Variants in CYP3A4 observed in about 807,000 individuals in gnomAD.
CYP3A4 encodes the protein cytochrome P450 family 3 subfamily A member 4.
Under a neutral mutation model 54.9 loss-of-function variants are expected in CYP3A4, and 41 were observed. The observed-to-expected ratio is 0.75, with a 90% CI of 0.58 to 0.97. The LOEUF is 0.97. Among genes scored for constraint, CYP3A4 ranks in the 50% least tolerant of loss-of-function variants. The probability of loss-of-function intolerance (pLI) is 0.00; values close to 1 mark genes in which losing one functional copy is unlikely to be tolerated. For synonymous variants in CYP3A4, 179 were observed against 205.2 expected, an observed-to-expected ratio of 0.87 and a Z score of 1.09; for missense variants, 510 against 597.3, an observed-to-expected ratio of 0.85 and a Z score of 1.52.
intron 4 of CYP3A4, 57 bp downstream of exon 4, chr7:99,772,533 A>G: frequency 6.2e-7 from 1 of 1,602,068 alleles, no homozygotes; most frequent in African/African-American, 1.3e-5. Flanking sequence ...ATATATAAGA[A>G]TTTCAAAATA....
At chr7:99,780,864 A>G (rs1815904445) in intron 1 of CYP3A4, among the ~76,000 whole-genome samples, 1 of 152,220 alleles carries the variant, frequency 6.6e-6, no homozygotes, top group Non-Finnish European at 1.5e-5. Context: ...GAAGAATCAC[A>G]ACTAAAGAAC....
At chr7:99,772,829 A>G in intron 3 of CYP3A4, 140 bp from the exon 4 acceptor site, 1 of 854,192 alleles carries the variant, frequency 1.2e-6, no homozygotes, top group Non-Finnish European at 1.8e-6. Flanking sequence ...GTTCTAGTTC[A>G]TTAGGTATGA....
intron 9 of CYP3A4, 105 bp from the exon 10 acceptor site, chr7:99,764,120 G>T: frequency 6.5e-7 from 1 of 1,531,952 alleles, no homozygotes; most frequent in Non-Finnish European, 8.9e-7. Flanking sequence ...TAAGGGAAAA[G>T]AATAGAAAAG....
At position 99,776,723 on chromosome 7, in the gene CYP3A4, A is replaced by T. The variant is rs182312419; in HGVS notation, c.218+1305T>A. On this transcript the variant is annotated intron_variant, in intron 3 of 12. Coordinates refer to ENST00000651514, the MANE Select transcript of CYP3A4 (RefSeq NM_017460.6). Reference sequence around the variant, plus strand: ...GGGGGGCTAGGGGAGAGATAGCATTAGGAGAAATACCTAATGTAGGTGACA... The same window carrying T: ...GGGGGGCTAGGGGAGAGATAGCATTTGGAGAAATACCTAATGTAGGTGACA... Among the ~76,000 whole-genome samples, 20 of 152,316 alleles carry T rather than the reference A, an allele frequency of 1.3e-4. No individual in the cohort carries two copies. The East Asian group carries it at 3.7e-3, about 28-fold the overall frequency.
At chr7:99,783,701 C>T (rs577296944) in intron 1 of CYP3A4, among the ~76,000 whole-genome samples, 21 of 151,178 alleles carry the variant, frequency 1.4e-4, no homozygotes, top group East Asian at 5.9e-4. Context: ...CTCCGCCTGC[C>T]GGGTTCAAGC....
At chr7:99,769,325 C>T (rs534951796) in intron 6 of CYP3A4, among the ~76,000 whole-genome samples, 2 of 152,236 alleles carry the variant, frequency 1.3e-5, no homozygotes, top group East Asian at 3.9e-4. Flanking sequence ...TAGTATTCTA[C>T]TGATATCCTC....
chr7:99,761,588 G>A (rs1815335198), intron 11 of CYP3A4, among the ~76,000 whole-genome samples: 1 of 152,114 alleles, frequency 6.6e-6, no homozygotes, highest in Non-Finnish European at 1.5e-5. Flanking sequence ...CTGTACCGAT[G>A]TAATGCAGTA....
intron 6 of CYP3A4, 115 bp downstream of exon 6, chr7:99,769,653 A>C: frequency 8.5e-7 from 1 of 1,182,244 alleles, no homozygotes. Flanking sequence ...GCATTACCAC[A>C]GCCCTCCTTT....
At position 99,770,249 on chromosome 7, in the gene CYP3A4, C is replaced by A. The variant is rs1438194493; in HGVS notation, c.319-14G>T. ...TGGACCAAAAGGCTAGAGTTCAAAG[C>A]AGAAACATTTTGTCCTACATCAGTT... On this transcript the variant is annotated splice_polypyrimidine_tract_variant and intron_variant, in intron 4 of 12. Coordinates refer to ENST00000651514, the MANE Select transcript of CYP3A4 (RefSeq NM_017460.6). 1 of 1,598,342 alleles carries A rather than the reference C, an allele frequency of 6.3e-7. No homozygotes were observed. The highest frequency in any genetic ancestry group is 1.1e-5 in the South Asian group (1 of 90,724).
intron 9 of CYP3A4, among the ~76,000 whole-genome samples, chr7:99,766,159 C>T (rs1040368680): frequency 6.6e-6 from 1 of 152,030 alleles, no homozygotes; most frequent in African/African-American, 2.4e-5. Flanking sequence ...TCTAGCATGC[C>T]AGGTTTGCTT....
At chr7:99,779,021 C>T (rs1172412445) in intron 2 of CYP3A4, among the ~76,000 whole-genome samples, 5 of 152,162 alleles carry the variant, frequency 3.3e-5, no homozygotes, top group East Asian at 1.9e-4. Flanking sequence ...CTGACTGCTG[C>T]GGCTGGCCAT....
chr7:99,782,203 T>A (rs1815942419), intron 1 of CYP3A4, among the ~76,000 whole-genome samples: 1 of 152,180 alleles, frequency 6.6e-6, no homozygotes, highest in African/African-American at 2.4e-5. Flanking sequence ...GGACAAACTA[T>A]TGAGTTAATG....
In CYP3A4 at chr7:99,780,082, A is replaced by G. The variant is rs754735403; in HGVS notation, c.75T>C (p.Tyr25=). ...TAAAAAGTCCATGTGAATGGGTTCC[A>G]TATCTACAAAGTGAAACAGAAATCA... ...LAVSLVLLYL[Y]GTHSHGLFKK... is the part of the protein sequence containing the mutation. The change falls in exon 2 of 13, where the codon TAT becomes TAC. Residue 25 remains tyrosine (Y), a synonymous_variant. Coordinates refer to ENST00000651514, the MANE Select transcript of CYP3A4 (RefSeq NM_017460.6). The G allele has an allele frequency of 1.9e-6, 3 of 1,612,764 alleles. No individual in the cohort carries two copies. The Admixed American group carries it at 5.0e-5, about 27-fold the overall frequency.
At chr7:99,760,757 TACAG>T (rs1815298204) in intron 12 of CYP3A4, 58 bp downstream of exon 12, 1 of 1,575,278 alleles carries the variant, frequency 6.3e-7, no homozygotes, top group Non-Finnish European at 8.7e-7. Flanking sequence ...TTTTAAAAAA[TACAG>T]ACCACTCAGT....
chr7:99,784,029 C>T lies in CYP3A4; in HGVS notation c.53G>A (p.Ser18Asn). The T allele has an allele frequency of 6.2e-7, 1 of 1,613,844 alleles. No homozygotes were observed. Residue 18 changes from serine (S) to asparagine (N), a missense_variant, in exon 1 of 13, where the codon AGC (serine) becomes AAC (asparagine). By Grantham distance (46) the Ser-to-Asn change is conservative (BLOSUM62 1). Transcript: ENST00000651514. ...TACTCACAGATAGAGGAGCACCAGGCTGACAGCCAGGAGAAGCCAGGTTTC... is the reference window on the plus strand; with the variant it reads ...TACTCACAGATAGAGGAGCACCAGGTTGACAGCCAGGAGAAGCCAGGTTTC... ...AMETWLLLAVSLVLLYLYGTH... is the reference protein window; with the variant it reads ...AMETWLLLAVNLVLLYLYGTH...
At position 99,769,756 on chromosome 7, in the gene CYP3A4, G is replaced by A. The variant is rs745814405; in HGVS notation, c.521+12C>T. On this transcript the variant is annotated intron_variant, in intron 6 of 12. Transcript: ENST00000651514. ...TGACAGCTCAGAACCCCATGGCTGCGCTTCTACTTACTCTTTCAAGGTGAC... is the reference window on the plus strand; with the variant it reads ...TGACAGCTCAGAACCCCATGGCTGCACTTCTACTTACTCTTTCAAGGTGAC... 55 of 1,613,646 alleles carry A rather than the reference G, an allele frequency of 3.4e-5. No individual in the cohort carries two copies. The highest frequency in any genetic ancestry group is 4.3e-5 in the Non-Finnish European group (51 of 1,179,796).
chr7:99,757,912 C>A lies in CYP3A4; in HGVS notation c.*221G>T. ...TGAGAAGCAGAGGAGCCAAATCTAC[C>A]TCCTCACACTGATTTGGTCACCTCC... On this transcript the variant is annotated 3_prime_UTR_variant, in exon 13 of 13. Transcript: ENST00000651514. The A allele has an allele frequency of 2.1e-6, 1 of 475,486 alleles. No homozygotes were observed. Among genetic ancestry groups the A allele is most frequent in the Non-Finnish European group, 3.8e-6 (1 of 262,614 alleles). 29.5% of individuals were successfully genotyped at this position (475,486 alleles called of 1,614,324 possible).
intron 7 of CYP3A4, 34 bp downstream of exon 7, chr7:99,768,316 AGAGC>A: frequency 1.9e-6 from 3 of 1,589,898 alleles, no homozygotes; most frequent in South Asian, 2.2e-5. Flanking sequence ...TATTTTTAAG[AGAGC>A]AAGATAAATA....
At chr7:99,766,824 C>T in intron 8 of CYP3A4, 1 of 353,396 alleles carries the variant, frequency 2.8e-6, no homozygotes, top group Non-Finnish European at 5.1e-6. Flanking sequence ...AATGTTTATC[C>T]TCTGACAATT....
Sources: gnomAD v4.1 joint callset for allele counts (sites outside exome capture counted in the v4.1 genomes callset) on GRCh38, gnomAD v4.1.1 for gene constraint, MANE v1.5 for transcripts, NCBI Gene and HGNC (gene_info 2026-07-23, HGNC 2026-07-21) for gene names.